PTGFRN: variants seen among roughly 807,000 people sequenced by gnomAD.
The protein encoded by PTGFRN is prostaglandin F2 receptor inhibitor.
A neutral mutation model predicts 83.2 loss-of-function variants in PTGFRN; 35 were observed. The ratio of observed to expected loss-of-function variants is 0.42; its 90% CI spans 0.32 to 0.56. The LOEUF (loss-of-function observed/expected upper bound fraction) is 0.56, where lower values mean the gene tolerates loss of function less well. PTGFRN is among the 20% of genes least tolerant of loss of function. The pLI, the probability that PTGFRN is intolerant of heterozygous loss-of-function variation, is 0.11. For synonymous variants in PTGFRN, 519 were observed against 498.6 expected, an observed-to-expected ratio of 1.04 and a Z score of -0.55; for missense variants, 1,051 against 1,179.5, an observed-to-expected ratio of 0.89 and a Z score of 1.60.
At chr1:116,981,669 G>A (rs1651322804) in intron 7 of PTGFRN, among the ~76,000 whole-genome samples, 2 of 152,250 alleles carry the variant, frequency 1.3e-5, no homozygotes, top group African/African-American at 2.4e-5. Flanking sequence ...ACCTGGGTAG[G>A]AAATATTTTG....
intron 1 of PTGFRN, among the ~76,000 whole-genome samples, chr1:116,919,245 G>C (rs1023712461): frequency 2.0e-5 from 3 of 152,200 alleles, no homozygotes; most frequent in African/African-American, 7.2e-5. Context: ...CCTAGGCGTT[G>C]TGGGGAAAAG....
At chr1:116,957,642 G>A (rs923448007) in intron 4 of PTGFRN, among the ~76,000 whole-genome samples, 2 of 152,128 alleles carry the variant, frequency 1.3e-5, no homozygotes, top group African/African-American at 4.8e-5. Context: ...TCGAAGATCT[G>A]TTCTCTTAGC....
chr1:116,945,119 T>TG, intron 3 of PTGFRN, 27 bp downstream of exon 3: 1 of 1,575,136 alleles, frequency 6.3e-7, no homozygotes, highest in East Asian at 2.3e-5. Context: ...GCGTTATAGG[T>TG]GATGTTATTT....
intron 1 of PTGFRN, among the ~76,000 whole-genome samples, chr1:116,915,969 A>AT (rs1649394954): frequency 6.6e-6 from 1 of 152,146 alleles, no homozygotes; most frequent in South Asian, 2.1e-4. Context: ...ATCTTGGACT[A>AT]TTTCTCCCCA....
intron 3 of PTGFRN, among the ~76,000 whole-genome samples, chr1:116,948,488 A>C (rs2101067662): frequency 6.6e-6 from 1 of 152,326 alleles, no homozygotes; most frequent in African/African-American, 2.4e-5. Context: ...GAAATAAATT[A>C]TACTCTCAGT....
intron 5 of PTGFRN, among the ~76,000 whole-genome samples, chr1:116,962,890 TACACCTGGA>T (rs1285596522): frequency 2.6e-5 from 4 of 152,234 alleles, no homozygotes; most frequent in African/African-American, 9.6e-5. Flanking sequence ...TAGTCCAGCG[TACACCTGGA>T]ATGGTGTACA....
chr1:116,915,270 AG>A (rs1649377186), intron 1 of PTGFRN, among the ~76,000 whole-genome samples: 1 of 152,224 alleles, frequency 6.6e-6, no homozygotes, highest in African/African-American at 2.4e-5. Flanking sequence ...CACTTCCTGA[AG>A]GGAAGGGCAG....
Position 116,918,912 on chromosome 1 carries a change from C to T in PTGFRN, c.49+8660C>T, listed in dbSNP as rs1263222531. On this transcript the variant is annotated intron_variant, in intron 1 of 8. Coordinates refer to ENST00000393203, the MANE Select transcript of PTGFRN (RefSeq NM_020440.4). This position sits in a 1 kb window ranked among gnomAD's most constrained non-coding sequence, Gnocchi z 4.1. ...AGCCAAGGAGTACACGTGGGATAGGCAGGTGAGTGGGGCTTCCAGGCTTGA... is the reference window on the plus strand; with the variant it reads ...AGCCAAGGAGTACACGTGGGATAGGTAGGTGAGTGGGGCTTCCAGGCTTGA... Among the ~76,000 whole-genome samples the T allele has an allele frequency of 1.3e-5, 2 of 152,096 alleles. No individual in the cohort carries two copies. Among genetic ancestry groups the T allele is most frequent in the Non-Finnish European group, 2.9e-5 (2 of 68,018 alleles).
In PTGFRN at chr1:116,941,839, G is replaced by C; in HGVS notation, c.174G>C (p.Trp58Cys). Reference sequence around the variant, plus strand: ...GCCCCAGCGAGCAAAACTTTGACTGGAGCTTCTCATCTTTGGGGAGCAGCT... The same window carrying C: ...GCCCCAGCGAGCAAAACTTTGACTGCAGCTTCTCATCTTTGGGGAGCAGCT... Reference protein sequence around the residue: ...YDGPSEQNFDWSFSSLGSSFV... With the variant: ...YDGPSEQNFDCSFSSLGSSFV... The change falls in exon 2 of 9, where the codon TGG (tryptophan) becomes TGC (cysteine). Residue 58 changes from tryptophan to cysteine, a missense_variant. This residue lies in a region of PTGFRN where 127 missense variants were observed against 168.4 expected (regional missense o/e 0.75). Transcript: ENST00000393203. The surrounding 1 kb of genome is among the most constrained non-coding windows in gnomAD (Gnocchi z 5.0). 6.2e-7 allele frequency: 1 copy of C among 1,614,178 alleles called. No individual in the cohort carries two copies. The highest frequency in any genetic ancestry group is 8.5e-7 in the Non-Finnish European group (1 of 1,180,038).
chr1:116,977,413 A>C (rs1009420244), intron 7 of PTGFRN, among the ~76,000 whole-genome samples: 1 of 152,236 alleles, frequency 6.6e-6, no homozygotes, highest in African/African-American at 2.4e-5. Context: ...AATCAACAGA[A>C]TATACATTCT....
At chr1:116,949,714 A>G (rs1650293485) in intron 4 of PTGFRN, 142 bp downstream of exon 4, 10 of 1,210,992 alleles carry the variant, frequency 8.3e-6, no homozygotes, top group Non-Finnish European at 1.1e-5. Context: ...TGGCCCAGAT[A>G]GATCCCAAGC....
At chr1:116,933,102 G>A (rs1228952284) in intron 1 of PTGFRN, among the ~76,000 whole-genome samples, 1 of 152,170 alleles carries the variant, frequency 6.6e-6, no homozygotes, top group Non-Finnish European at 1.5e-5. Context: ...TAATATTGTT[G>A]TGGAGAGAGA....
chr1:116,935,660 C>T (rs1453375296), intron 1 of PTGFRN, among the ~76,000 whole-genome samples: 1 of 152,150 alleles, frequency 6.6e-6, no homozygotes, highest in Admixed American at 6.5e-5. Context: ...GTAAACACTG[C>T]ATGAAGGTGA....
chr1:116,971,998 C>T (rs373868187), intron 6 of PTGFRN, among the ~76,000 whole-genome samples: 39 of 152,210 alleles, frequency 2.6e-4, no homozygotes, highest in African/African-American at 7.7e-4. Context: ...AAAAATGTGA[C>T]CCCCCTGCCC....
chr1:116,944,834 G>A lies in PTGFRN; in HGVS notation c.574G>A (p.Ala192Thr). 1 of 1,585,504 alleles carries A rather than the reference G, an allele frequency of 6.3e-7. No homozygotes were observed. Among genetic ancestry groups the A allele is most frequent in the Non-Finnish European group, 8.6e-7 (1 of 1,168,696 alleles). The change falls in exon 3 of 9, where the codon GCC becomes ACC. Residue 192 changes from alanine (A) to threonine (T), a missense_variant. Coordinates refer to ENST00000393203, the MANE Select transcript of PTGFRN (RefSeq NM_020440.4). ...ALLWEVHRGP[A>T]RRSVLALTHE... ...GCTGTGGGAGGTGCACCGCGGCCCG[G>A]CCAGGCGGAGCGTCCTCGCCCTGAC...
At chr1:116,950,235 G>T (rs906931202) in intron 4 of PTGFRN, among the ~76,000 whole-genome samples, 1 of 152,120 alleles carries the variant, frequency 6.6e-6, no homozygotes, top group Non-Finnish European at 1.5e-5. Context: ...TTTATACTAA[G>T]CTCCTTTTCC....
chr1:116,985,098 T>C (rs1200611672), intron 8 of PTGFRN, 113 bp downstream of exon 8: 10 of 1,144,140 alleles, frequency 8.7e-6, no homozygotes, highest in Non-Finnish European at 1.0e-5. Flanking sequence ...TAGCACGTCC[T>C]GCTTTCTTTC....
chr1:116,937,519 A>G (rs1247712012), intron 1 of PTGFRN, among the ~76,000 whole-genome samples: 1 of 152,194 alleles, frequency 6.6e-6, no homozygotes, highest in African/African-American at 2.4e-5. Flanking sequence ...ATAAGGAGCC[A>G]TTAAAGACTT....
intron 6 of PTGFRN, among the ~76,000 whole-genome samples, chr1:116,968,250 C>A (rs1421822297): frequency 6.6e-6 from 1 of 151,796 alleles, no homozygotes; most frequent in Non-Finnish European, 1.5e-5. Context: ...TAAATTAATA[C>A]TTATCTGTAA....
Sources: allele counts gnomAD v4.1 joint callset (sites outside exome capture counted in the v4.1 genomes callset), GRCh38; gene constraint gnomAD v4.1.1; regional missense constraint gnomAD v4.1.1; non-coding constraint Gnocchi (gnomAD v3.1); transcripts MANE v1.5; gene names NCBI Gene and HGNC (gene_info 2026-07-23, HGNC 2026-07-21).